TIMM22: variants seen among roughly 807,000 people sequenced by gnomAD.
TIMM22 encodes the protein translocase of inner mitochondrial membrane 22, also known as mitochondrial import inner membrane translocase subunit Tim22.
Under a neutral mutation model 18.3 loss-of-function variants are expected in TIMM22, and 12 were observed. The observed-to-expected ratio is 0.65, with a 90% CI of 0.42 to 1.06. The LOEUF (loss-of-function observed/expected upper bound fraction) is 1.06. TIMM22 is among the 50% of genes least tolerant of loss of function. The pLI, the probability that TIMM22 is intolerant of heterozygous loss-of-function variation, is 0.00. For missense variants in TIMM22, 278 were observed against 252.8 expected, an observed-to-expected ratio of 1.10 and a Z score of -0.68; for synonymous variants, 107 against 98.5, an observed-to-expected ratio of 1.09 and a Z score of -0.51.
rs1253453620 is a variant in TIMM22, at chr17:1,003,059, ACT to A, written c.*1977_*1978del. The A allele has an allele frequency of 6.6e-6, 1 of 151,928 alleles. No individual in the cohort carries two copies. Among genetic ancestry groups the A allele is most frequent in the Non-Finnish European group, 1.5e-5 (1 of 67,996 alleles). The allele number at this position is 151,928 out of a possible 1,614,324, so 9.4% of individuals were successfully genotyped here. ...GTGGGAGCCAATATTCACGCCACTG[ACT>A]CTCTCAAAGGGAGGGTGGGCCCTCG... On this transcript the variant is annotated 3_prime_UTR_variant, in exon 4 of 4. Transcript: ENST00000327158.
At position 997,203 on chromosome 17, in the gene TIMM22, G is replaced by A. The variant is rs1219310680; in HGVS notation, c.61G>A (p.Ala21Thr). Residue 21 changes from alanine to threonine, a missense_variant, in exon 1 of 4, where the codon GCT becomes ACT. Transcript: ENST00000327158. ...SAPETAGSAE[A>T]PLQYSLLLQY... ...CCCTGAGACAGCGGGTTCCGCCGAA[G>A]CTCCGCTGCAGTACAGCCTGCTCCT... 6.2e-7 allele frequency: 1 copy of A among 1,612,670 alleles called. No individual in the cohort carries two copies.
At chr17:998,198 A>T (rs918529871) in intron 1 of TIMM22, among the ~76,000 whole-genome samples, 3 of 152,166 alleles carry the variant, frequency 2.0e-5, no homozygotes, top group Admixed American at 2.0e-4. Flanking sequence ...ACTCATATTG[A>T]CCATGAGGTC....
chr17:1,000,453 G>A (rs558285845), intron 3 of TIMM22, among the ~76,000 whole-genome samples: 1 of 152,048 alleles, frequency 6.6e-6, no homozygotes, highest in African/African-American at 2.4e-5. Flanking sequence ...TTATCACTGG[G>A]CCACTTTCCA....
Position 1,001,176 on chromosome 17 carries a change from C to A in TIMM22, c.*88C>A. The stretch of plus-strand genomic sequence containing the variant: ...GTTTCTGTACCACACCAGGGCCTTG[C>A]TTCAGGGCCTGAAGACATTCATTTT... On this transcript the variant is annotated 3_prime_UTR_variant, in exon 4 of 4. Transcript: ENST00000327158. The A allele has an allele frequency of 7.2e-7, 1 of 1,384,532 alleles. No individual in the cohort carries two copies. Among genetic ancestry groups the A allele is most frequent in the Non-Finnish European group, 1.0e-6 (1 of 976,654 alleles). The allele number at this position is 1,384,532 out of a possible 1,614,324, so 85.8% of individuals were successfully genotyped here. A position where few individuals can be genotyped will look rare whatever the true frequency, so the allele number is the denominator to read the frequency against.
In TIMM22 at chr17:1,001,134, C is replaced by T. The variant is rs369271117; in HGVS notation, c.*46C>T. On this transcript the variant is annotated 3_prime_UTR_variant, in exon 4 of 4. Transcript: ENST00000327158. ...GGATGATGCCAGCCCCGGATCCGGGCTGCTCTCTGGAGGACAGTTTCTGTA... is the reference window on the plus strand; with the variant it reads ...GGATGATGCCAGCCCCGGATCCGGGTTGCTCTCTGGAGGACAGTTTCTGTA... The T allele has an allele frequency of 2.6e-5, 41 of 1,595,790 alleles. No individual in the cohort carries two copies. Among genetic ancestry groups the T allele is most frequent in the East Asian group, 4.5e-5 (2 of 44,772 alleles).
chr17:998,688 C>G (rs2069709539), intron 1 of TIMM22, 91 bp from the exon 2 acceptor site: 1 of 1,401,366 alleles, frequency 7.1e-7, no homozygotes, highest in African/African-American at 1.4e-5. Context: ...CACCGGTGGT[C>G]ATCCAAAAGC....
At chr17:999,332 T>TA (rs2069717328) in intron 2 of TIMM22, among the ~76,000 whole-genome samples, 180 bp from the exon 3 acceptor site, 1 of 117,194 alleles carries the variant, frequency 8.5e-6, no homozygotes, top group African/African-American at 3.8e-5. Context: ...ACTATATATA[T>TA]ATATATATAT....
Position 997,235 on chromosome 17 carries a change from C to T in TIMM22, c.93C>T (p.Tyr31=). The T allele has an allele frequency of 1.9e-6, 3 of 1,613,416 alleles. No individual in the cohort carries two copies. The highest frequency in any genetic ancestry group is 2.2e-5 in the South Asian group (2 of 91,090). ...APLQYSLLLQ[Y]LVGDKRQPRL... ...TGCAGTACAGCCTGCTCCTGCAGTACCTGGTGGGTGACAAGCGTCAGCCCC... is the reference window on the plus strand; with the variant it reads ...TGCAGTACAGCCTGCTCCTGCAGTATCTGGTGGGTGACAAGCGTCAGCCCC... Residue 31 remains tyrosine (Y), a synonymous_variant, in exon 1 of 4, where the codon TAC becomes TAT. Coordinates refer to ENST00000327158, the MANE Select transcript of TIMM22 (RefSeq NM_013337.4).
At chr17:999,861 T>C (rs1372699701) in intron 3 of TIMM22, among the ~76,000 whole-genome samples, 1 of 152,018 alleles carries the variant, frequency 6.6e-6, no homozygotes, top group Admixed American at 6.6e-5. Context: ...CCCTGGCCTC[T>C]ACCCACGAGA....
chr17:999,350 T>TATATATATATATATATATATAG (rs2069718318), intron 2 of TIMM22, among the ~76,000 whole-genome samples, 162 bp from the exon 3 acceptor site: 1 of 126,728 alleles, frequency 7.9e-6, no homozygotes, highest in African/African-American at 4.0e-5. Flanking sequence ...TATATATATA[T>TATATATATATATATATATATAG]ATATATATAC....
chr17:997,288 G>C lies in TIMM22; in HGVS notation c.146G>C (p.Gly49Ala). ...PRLLEPGSLG[G>A]IPSPAKSEEQ... is the part of the protein sequence containing the mutation. ...CTCCTGGAGCCTGGGAGCCTGGGCG[G>C]GATCCCAAGTCCAGCCAAGAGTGAG... The change falls in exon 1 of 4, where the codon GGG (glycine) becomes GCG (alanine). Residue 49 changes from glycine to alanine, a missense_variant. By Grantham distance (60) the Gly-to-Ala change is moderately conservative. Coordinates refer to ENST00000327158, the MANE Select transcript of TIMM22 (RefSeq NM_013337.4). 1 of 1,613,766 alleles carries C rather than the reference G, an allele frequency of 6.2e-7. No individual in the cohort carries two copies. Among genetic ancestry groups the C allele is most frequent in the Non-Finnish European group, 8.5e-7 (1 of 1,179,972 alleles).
At chr17:1,000,729 C>A (rs572842606) in intron 3 of TIMM22, among the ~76,000 whole-genome samples, 6 of 152,190 alleles carry the variant, frequency 3.9e-5, no homozygotes, top group African/African-American at 1.4e-4. Context: ...CATTTGATTC[C>A]GAGGGCTGCT....
Position 1,002,125 on chromosome 17 carries a change from G to A in TIMM22, c.*1037G>A, listed in dbSNP as rs1326862557. 4 of 149,784 alleles carry A rather than the reference G, an allele frequency of 2.7e-5. No individual in the cohort carries two copies. Among genetic ancestry groups the A allele is most frequent in the Non-Finnish European group, 4.4e-5 (3 of 67,798 alleles). The allele number at this position is 149,784 out of a possible 1,614,324, so 9.3% of individuals were successfully genotyped here. A position where few individuals can be genotyped will look rare whatever the true frequency, so the allele number is the denominator to read the frequency against. ...ACTTGACCTTGTGGTATTTTTCTTG[G>A]CCTAGTTGTGTGCCATGGATATTAA... On this transcript the variant is annotated 3_prime_UTR_variant, in exon 4 of 4. Transcript: ENST00000327158.
At position 1,001,839 on chromosome 17, in the gene TIMM22, AG is replaced by A. The variant is rs1250809787; in HGVS notation, c.*752del. 6.6e-6 allele frequency: 1 copy of A among 152,208 alleles called. No individual in the cohort carries two copies. Among genetic ancestry groups the A allele is most frequent in the African/African-American group, 2.4e-5 (1 of 41,452 alleles). The allele number at this position is 152,208 out of a possible 1,614,324, so 9.4% of individuals were successfully genotyped here. Reference sequence around the variant, plus strand: ...GGGCCTGCCTCAAGAAGCCCAGCCCAGCCTTTTCCTGGGATGCAGTGAAATC... The same window carrying A: ...GGGCCTGCCTCAAGAAGCCCAGCCCACCTTTTCCTGGGATGCAGTGAAATC... On this transcript the variant is annotated 3_prime_UTR_variant, in exon 4 of 4. Transcript: ENST00000327158.
intron 3 of TIMM22, among the ~76,000 whole-genome samples, chr17:1,000,657 G>A (rs1463238537): frequency 6.6e-6 from 1 of 152,150 alleles, no homozygotes; most frequent in Non-Finnish European, 1.5e-5. Flanking sequence ...CTCCAGTACT[G>A]CTTTGATCAC....
At chr17:1,000,484 C>T (rs2069733274) in intron 3 of TIMM22, among the ~76,000 whole-genome samples, 1 of 152,144 alleles carries the variant, frequency 6.6e-6, no homozygotes, top group African/African-American at 2.4e-5. Context: ...CCTAACTTAC[C>T]CAGAGCAAAA....
intron 1 of TIMM22, among the ~76,000 whole-genome samples, chr17:998,138 C>A (rs1255541548): frequency 6.6e-6 from 1 of 152,214 alleles, no homozygotes; most frequent in Non-Finnish European, 1.5e-5. Flanking sequence ...CTGCACTTGT[C>A]CTTCTGTTTT....
chr17:1,000,811 C>T (rs980864642), intron 3 of TIMM22, among the ~76,000 whole-genome samples: 1 of 152,202 alleles, frequency 6.6e-6, no homozygotes, highest in African/African-American at 2.4e-5. Context: ...AGGAGAAAAG[C>T]TAAACAAATG....
At position 1,003,596 on chromosome 17, in the gene TIMM22, A is replaced by C. The variant is rs1039283919; in HGVS notation, c.*2508A>C. ...CACGTGGTTTACATCAATTTATAATAATCTACATAAGTTGAAACAGAACAT... is the reference window on the plus strand; with the variant it reads ...CACGTGGTTTACATCAATTTATAATCATCTACATAAGTTGAAACAGAACAT... On this transcript the variant is annotated 3_prime_UTR_variant, in exon 4 of 4. Transcript: ENST00000327158. The C allele has an allele frequency of 6.6e-6, 1 of 152,638 alleles. No homozygotes were observed. The highest frequency in any genetic ancestry group is 2.4e-5 in the African/African-American group (1 of 41,462). The allele number at this position is 152,638 out of a possible 1,614,324, so 9.5% of individuals were successfully genotyped here.
Sources: allele counts gnomAD v4.1 joint callset (sites outside exome capture counted in the v4.1 genomes callset), GRCh38; gene constraint gnomAD v4.1.1; transcripts MANE v1.5; gene names NCBI Gene and HGNC (gene_info 2026-07-23, HGNC 2026-07-21).